The following TRIQK variants were observed in gnomAD, a reference collection of about 807,000 sequenced individuals.
TRIQK encodes triple QxxK/R motif containing.
In TRIQK, 10 loss-of-function variants were observed where a neutral mutation model predicts 10.8. The observed-to-expected ratio is 0.92, with a 90% CI of 0.57 to 1.57. The LOEUF is 1.57. TRIQK is among the 40% of genes most tolerant of loss of function. TRIQK has a pLI of 0.00. For synonymous variants in TRIQK, 33 were observed against 33.7 expected (o/e 0.98, Z 0.07); for missense variants, 107 against 97.7 (o/e 1.09, Z -0.40).
chr8:92,917,618 TAC>T (rs1369016720), intron 2 of TRIQK, among the ~76,000 whole-genome samples: 1 of 152,006 alleles, frequency 6.6e-6, no homozygotes, highest in Non-Finnish European at 1.5e-5. Flanking sequence ...ACAATAGTTG[TAC>T]CTACTTTGGG....
At chr8:92,991,202 G>T (rs1289801891) in intron 1 of TRIQK, among the ~76,000 whole-genome samples, 1 of 152,204 alleles carries the variant, frequency 6.6e-6, no homozygotes, top group East Asian at 1.9e-4. Flanking sequence ...TGCCACTCTA[G>T]ATTCCTCCTC....
At chr8:92,962,660 A>T (rs1201612126) in intron 1 of TRIQK, among the ~76,000 whole-genome samples, 3 of 152,190 alleles carry the variant, frequency 2.0e-5, no homozygotes, top group African/African-American at 7.2e-5. Context: ...CTGGCCTCAG[A>T]TCCCACTTCT....
At chr8:92,956,917 G>A (rs541577713) in intron 1 of TRIQK, among the ~76,000 whole-genome samples, 11 of 151,918 alleles carry the variant, frequency 7.2e-5, no homozygotes, top group South Asian at 2.1e-4. Context: ...TAGCAGCTAC[G>A]CATTTGTTGA....
intron 2 of TRIQK, among the ~76,000 whole-genome samples, chr8:92,939,745 G>C (rs1303417359): frequency 6.6e-6 from 1 of 152,120 alleles, no homozygotes; most frequent in Admixed American, 6.5e-5. Flanking sequence ...AGAAATGTAG[G>C]CACTAGTCCT....
intron 1 of TRIQK, among the ~76,000 whole-genome samples, chr8:92,975,487 A>G (rs1812921347): frequency 1.3e-5 from 2 of 152,158 alleles, no homozygotes; most frequent in Admixed American, 1.3e-4. Flanking sequence ...ACTTGTTCAT[A>G]ATATTGCTTA....
At chr8:93,006,749 C>A (rs1254747014) in intron 1 of TRIQK, among the ~76,000 whole-genome samples, 1 of 152,224 alleles carries the variant, frequency 6.6e-6, no homozygotes, top group African/African-American at 2.4e-5. Context: ...CTTGGCCAGA[C>A]TGCCTCTTTA....
intron 2 of TRIQK, among the ~76,000 whole-genome samples, chr8:92,929,111 T>C (rs1430200645): frequency 6.6e-6 from 1 of 152,156 alleles, no homozygotes; most frequent in Non-Finnish European, 1.5e-5. Flanking sequence ...TTAGCTAAAA[T>C]ACAAAGTCCA....
chr8:92,934,127 T>A (rs981576241), intron 2 of TRIQK, among the ~76,000 whole-genome samples: 1 of 152,012 alleles, frequency 6.6e-6, no homozygotes, highest in East Asian at 1.9e-4. Flanking sequence ...GGTACATGGA[T>A]AGTTTCCAAA....
intron 2 of TRIQK, among the ~76,000 whole-genome samples, chr8:92,923,910 A>C (rs1196945331): frequency 2.0e-5 from 3 of 151,950 alleles, no homozygotes; most frequent in South Asian, 2.1e-4. Flanking sequence ...AGAACAAGTA[A>C]AGAAATAAGA....
intron 1 of TRIQK, among the ~76,000 whole-genome samples, chr8:93,000,092 T>A (rs1273343677): frequency 6.6e-6 from 1 of 152,198 alleles, no homozygotes; most frequent in Admixed American, 6.5e-5. Flanking sequence ...ATATTTGTAT[T>A]CAAAGTATCA....
chr8:92,932,131 C>T (rs1317506473), intron 2 of TRIQK, among the ~76,000 whole-genome samples: 3 of 152,000 alleles, frequency 2.0e-5, no homozygotes, highest in Non-Finnish European at 4.4e-5. Flanking sequence ...TCTTCTTTAC[C>T]TCTTTCATTA....
intron 1 of TRIQK, among the ~76,000 whole-genome samples, chr8:93,014,521 T>A (rs1813365123): frequency 6.6e-6 from 1 of 152,076 alleles, no homozygotes; most frequent in African/African-American, 2.4e-5. Context: ...GTTTTGTGAG[T>A]CTTACTGGTT....
chr8:92,999,079 C>G (rs1040288124), intron 1 of TRIQK, among the ~76,000 whole-genome samples: 3 of 152,114 alleles, frequency 2.0e-5, no homozygotes, highest in African/African-American at 7.2e-5. Flanking sequence ...TTCCAGATAT[C>G]TGAGGTGTAG....
chr8:93,003,205 C>T lies in TRIQK; in HGVS notation c.-181+14404G>A, dbSNP rs190811736. ...GACTGGGCTCTTTTATTAACTTACACTTCCACAGGCTGTACAGGAGGCATG... is the reference window on the plus strand; with the variant it reads ...GACTGGGCTCTTTTATTAACTTACATTTCCACAGGCTGTACAGGAGGCATG... On this transcript the variant is annotated intron_variant, in intron 1 of 4. Coordinates refer to the TRIQK transcript ENST00000520686. 6.7e-3 allele frequency among the ~76,000 whole-genome samples: 1,022 copies of T among 152,068 alleles called. 8 individuals are homozygous for T. The highest frequency in any genetic ancestry group is 0.012 in the Non-Finnish European group (802 of 67,982).
intron 2 of TRIQK, among the ~76,000 whole-genome samples, chr8:92,946,983 T>C (rs1194720147): frequency 6.6e-6 from 1 of 151,696 alleles, no homozygotes; most frequent in Non-Finnish European, 1.5e-5. Flanking sequence ...GCCAGGATGG[T>C]GTCGATCTCC....
rs1816319388 is a variant in TRIQK at position 92,883,634 on chromosome 8, C to G, written c.*2988G>C. The G allele has an allele frequency of 6.6e-6, 1 of 151,728 alleles. No homozygotes were observed. Among genetic ancestry groups the G allele is most frequent in the Non-Finnish European group, 1.5e-5 (1 of 67,812 alleles). The allele number at this position is 151,728 out of a possible 1,614,324, so 9.4% of individuals were successfully genotyped here. ...CTCTGAGAGGACTAAAAGGCATCAA[C>G]TTAAATTTTAACATGCATTTATTAA... On this transcript the variant is annotated 3_prime_UTR_variant, in exon 5 of 5. Transcript: ENST00000521988.
intron 3 of TRIQK, among the ~76,000 whole-genome samples, chr8:92,898,524 A>C (rs538648305): frequency 6.6e-6 from 1 of 152,050 alleles, no homozygotes; most frequent in Admixed American, 6.6e-5. Context: ...AGTTTTCACC[A>C]GTGTTCTCAC....
intron 3 of TRIQK, among the ~76,000 whole-genome samples, chr8:92,899,257 T>C (rs1808793417): frequency 6.6e-6 from 1 of 152,138 alleles, no homozygotes; most frequent in East Asian, 1.9e-4. Context: ...ACACCTGGGA[T>C]TACAGGCATG....
At chr8:92,917,072 A>T (rs1042347755) in intron 2 of TRIQK, 62 bp from the exon 3 acceptor site, 2 of 1,017,836 alleles carry the variant, frequency 2.0e-6, no homozygotes, top group Non-Finnish European at 2.7e-6. Context: ...AAATCCAGAA[A>T]TAGTTTATTC....
Sources: allele counts gnomAD v4.1 joint callset (sites outside exome capture counted in the v4.1 genomes callset), GRCh38; gene constraint gnomAD v4.1.1; transcripts MANE v1.5; gene names NCBI Gene and HGNC (gene_info 2026-07-23, HGNC 2026-07-21).